The following ST8SIA6 variants were observed in gnomAD, a reference collection of about 807,000 sequenced individuals.
ST8SIA6 encodes the protein ST8 alpha-N-acetyl-neuraminide alpha-2,8-sialyltransferase 6, also known as alpha-2,8-sialyltransferase 8F.
In ST8SIA6, 39 loss-of-function variants were observed where a neutral mutation model predicts 33.6. That is an observed-to-expected ratio of 1.16 (90% confidence interval 0.90 to 1.52). The LOEUF is 1.52. ST8SIA6 is among the 40% of genes most tolerant of loss of function. The pLI, the probability that ST8SIA6 is intolerant of heterozygous loss-of-function variation, is 0.00. For missense variants in ST8SIA6, 441 were observed against 443.8 expected (o/e 0.99, Z 0.06); for synonymous variants, 172 against 167.2 (o/e 1.03, Z -0.22).
intron 3 of ST8SIA6, among the ~76,000 whole-genome samples, chr10:17,361,626 T>C (rs1056861500): frequency 3.4e-5 from 5 of 149,170 alleles, no homozygotes; most frequent in Non-Finnish European, 7.4e-5. Flanking sequence ...CAAAGTCTTC[T>C]AGAAAATTGA....
intron 2 of ST8SIA6, among the ~76,000 whole-genome samples, chr10:17,419,610 G>A (rs1400072328): frequency 6.6e-6 from 1 of 152,296 alleles, no homozygotes; most frequent in East Asian, 1.9e-4. Context: ...TTTATGGCTA[G>A]ATGTTTCCAA....
intron 6 of ST8SIA6, among the ~76,000 whole-genome samples, chr10:17,324,370 G>A (rs1169461251): frequency 6.6e-6 from 1 of 151,688 alleles, no homozygotes; most frequent in Non-Finnish European, 1.5e-5. Flanking sequence ...ACGGCACCTT[G>A]GTAAAATAAA....
At chr10:17,420,552 T>C (rs542565976) in intron 2 of ST8SIA6, among the ~76,000 whole-genome samples, 5 of 152,380 alleles carry the variant, frequency 3.3e-5, no homozygotes, top group African/African-American at 1.2e-4. Context: ...TAGATACTCA[T>C]GCATATCTCC....
rs536940954 is a variant in ST8SIA6 at position 17,317,962 on chromosome 10, G to A, written c.*2916C>T. On this transcript the variant is annotated 3_prime_UTR_variant, in exon 8 of 8. Transcript: ENST00000377602. ...GGATGTTCGAGGATTATTACACTGC[G>A]CAAAAATTAACACTATGCAATTGAT... Among the ~76,000 whole-genome samples, 4 of 152,258 alleles carry A rather than the reference G, an allele frequency of 2.6e-5. No individual in the cohort carries two copies. The highest frequency in any genetic ancestry group is 2.1e-4 in the South Asian group (1 of 4,826).
intron 3 of ST8SIA6, among the ~76,000 whole-genome samples, chr10:17,378,611 C>T (rs948173318): frequency 6.6e-6 from 1 of 152,158 alleles, no homozygotes; most frequent in Non-Finnish European, 1.5e-5. Context: ...GTAACACCCG[C>T]ATACCCAACA....
intron 4 of ST8SIA6, among the ~76,000 whole-genome samples, chr10:17,333,717 A>ATATATAGATATATATATATATATTTT (rs1251981910): frequency 3.0e-5 from 1 of 33,754 alleles, no homozygotes; most frequent in African/African-American, 1.7e-4. Context: ...ATATATATAT[A>ATATATAGATATATATATATATATTTT]TTTTTTTTTT....
intron 4 of ST8SIA6, among the ~76,000 whole-genome samples, chr10:17,357,847 A>G (rs773860212): frequency 5.9e-5 from 9 of 152,180 alleles, no homozygotes; most frequent in Admixed American, 1.3e-4. Context: ...TTGATCCTCA[A>G]TAGCTCACTA....
At chr10:17,453,533 T>A (rs1227122604) in intron 2 of ST8SIA6, 26 bp downstream of exon 2, 5 of 1,280,532 alleles carry the variant, frequency 3.9e-6, no homozygotes, top group Non-Finnish European at 5.0e-6. Flanking sequence ...CGAGCCCCAG[T>A]CCGCCCGCGC....
chr10:17,379,206 A>G (rs1316583337), intron 3 of ST8SIA6, among the ~76,000 whole-genome samples: 1 of 151,894 alleles, frequency 6.6e-6, no homozygotes, highest in African/African-American at 2.4e-5. Context: ...AAATACAGGT[A>G]CAATAGTAGG....
intron 3 of ST8SIA6, among the ~76,000 whole-genome samples, chr10:17,375,909 T>C (rs188461206): frequency 6.6e-6 from 1 of 152,316 alleles, no homozygotes; most frequent in East Asian, 1.9e-4. Context: ...TAGAGGCCTA[T>C]AATCAATAGA....
At chr10:17,449,796 C>A (rs1852845177) in intron 2 of ST8SIA6, among the ~76,000 whole-genome samples, 1 of 151,990 alleles carries the variant, frequency 6.6e-6, no homozygotes, top group Non-Finnish European at 1.5e-5. Context: ...TCAGTAGGAG[C>A]AGAAGAGCAA....
intron 2 of ST8SIA6, among the ~76,000 whole-genome samples, chr10:17,424,536 T>C (rs1266918161): frequency 1.3e-5 from 2 of 152,202 alleles, no homozygotes; most frequent in African/African-American, 4.8e-5. Flanking sequence ...AATGTATTCA[T>C]TTAAAGATTG....
At chr10:17,411,801 C>A (rs1252066879) in intron 2 of ST8SIA6, among the ~76,000 whole-genome samples, 1 of 152,108 alleles carries the variant, frequency 6.6e-6, no homozygotes, top group Non-Finnish European at 1.5e-5. Flanking sequence ...ATTTCCTATT[C>A]ATCTGAAAAA....
chr10:17,450,209 G>T (rs1852856260), intron 2 of ST8SIA6, among the ~76,000 whole-genome samples: 1 of 152,148 alleles, frequency 6.6e-6, no homozygotes, highest in Non-Finnish European at 1.5e-5. Flanking sequence ...AGTAGGATCT[G>T]AGGTGAGGAC....
chr10:17,328,572 G>A (rs1426001575), intron 5 of ST8SIA6, among the ~76,000 whole-genome samples: 1 of 152,168 alleles, frequency 6.6e-6, no homozygotes, highest in Non-Finnish European at 1.5e-5. Context: ...GATTTTGTCT[G>A]TAGGATTAAG....
chr10:17,421,010 G>A (rs111526556), intron 2 of ST8SIA6, among the ~76,000 whole-genome samples: 3 of 152,184 alleles, frequency 2.0e-5, no homozygotes, highest in African/African-American at 4.8e-5. Flanking sequence ...GGGTGAAATC[G>A]CGAGAACAGC....
intron 4 of ST8SIA6, among the ~76,000 whole-genome samples, chr10:17,341,906 A>AAAC (rs1848687658): frequency 6.6e-6 from 1 of 150,376 alleles, no homozygotes; most frequent in African/African-American, 2.4e-5. Context: ...ATCTCAAAAA[A>AAAC]AAAAAAAAAA....
At chr10:17,389,189 A>G (rs1165570654) in intron 3 of ST8SIA6, among the ~76,000 whole-genome samples, 1 of 152,014 alleles carries the variant, frequency 6.6e-6, no homozygotes, top group Non-Finnish European at 1.5e-5. Flanking sequence ...TATCTCTAAA[A>G]ACTCTGATCC....
chr10:17,431,054 A>G (rs895143417), intron 2 of ST8SIA6, among the ~76,000 whole-genome samples: 5 of 152,222 alleles, frequency 3.3e-5, no homozygotes, highest in Admixed American at 2.0e-4. Context: ...TTATGGCTAA[A>G]AAGATTTAGG....
Sources: allele counts gnomAD v4.1 joint callset (sites outside exome capture counted in the v4.1 genomes callset), GRCh38; gene constraint gnomAD v4.1.1; transcripts MANE v1.5; gene names NCBI Gene and HGNC (gene_info 2026-07-23, HGNC 2026-07-21).